FUT9: variants seen among roughly 807,000 people sequenced by gnomAD.
The protein encoded by FUT9 is fucosyltransferase 9.
A neutral mutation model predicts 29.7 loss-of-function variants in FUT9; 15 were observed. That is an observed-to-expected ratio of 0.51 (90% CI 0.34 to 0.78). The LOEUF is 0.78. Ranked by LOEUF, FUT9 falls within the 30% of genes least tolerant of loss-of-function variation. The pLI, the probability that FUT9 is intolerant of heterozygous loss-of-function variation, is 0.01. For synonymous variants in FUT9, 169 were observed against 153.7 expected (o/e 1.10, Z -0.74); for missense variants, 319 against 425.4 (o/e 0.75, Z 2.20).
intron 2 of FUT9, among the ~76,000 whole-genome samples, chr6:96,179,298 T>C (rs1773264358): frequency 6.6e-6 from 1 of 152,156 alleles, no homozygotes; most frequent in African/African-American, 2.4e-5. Flanking sequence ...GTACCAGAAA[T>C]TGTGCTAAGT....
chr6:96,045,359 C>T (rs1770544369), intron 1 of FUT9, among the ~76,000 whole-genome samples: 1 of 152,116 alleles, frequency 6.6e-6, no homozygotes, highest in South Asian at 2.1e-4. Context: ...CTGAAAGTGC[C>T]AGACAAAATT....
intron 2 of FUT9, among the ~76,000 whole-genome samples, chr6:96,157,140 A>T (rs1772801010): frequency 6.6e-6 from 1 of 152,174 alleles, no homozygotes; most frequent in African/African-American, 2.4e-5. Context: ...AAAAAGGCTA[A>T]CTAAGATGTG....
intron 1 of FUT9, among the ~76,000 whole-genome samples, chr6:96,072,151 T>C (rs1270461647): frequency 6.6e-6 from 1 of 152,002 alleles, no homozygotes; most frequent in East Asian, 1.9e-4. Flanking sequence ...AAACTAGGGG[T>C]TTAGAGATGT....
intron 1 of FUT9, among the ~76,000 whole-genome samples, chr6:96,093,349 G>A (rs1771442921): frequency 6.6e-6 from 1 of 151,982 alleles, no homozygotes; most frequent in African/African-American, 2.4e-5. Flanking sequence ...GCTTTCTCTT[G>A]ATAATTCCAC....
chr6:96,095,590 A>G (rs1771481906), intron 1 of FUT9, among the ~76,000 whole-genome samples: 1 of 152,124 alleles, frequency 6.6e-6, no homozygotes, highest in South Asian at 2.1e-4. Context: ...TTCTTTCAGG[A>G]TGCTGTCATT....
intron 2 of FUT9, among the ~76,000 whole-genome samples, chr6:96,197,288 T>C (rs1442966424): frequency 6.6e-6 from 1 of 152,168 alleles, no homozygotes; most frequent in Admixed American, 6.5e-5. Context: ...GTGATCAAAA[T>C]TGGTGTCATT....
intron 1 of FUT9, among the ~76,000 whole-genome samples, chr6:96,066,039 T>C (rs1189967443): frequency 1.3e-5 from 2 of 152,294 alleles, no homozygotes; most frequent in East Asian, 1.9e-4. Flanking sequence ...ATTTAGATGC[T>C]GTCATTTCAC....
chr6:96,121,889 G>T (rs1772035291), intron 2 of FUT9, among the ~76,000 whole-genome samples: 1 of 151,976 alleles, frequency 6.6e-6, no homozygotes, highest in African/African-American at 2.4e-5. Context: ...CCTAGTATAT[G>T]CCTCTTGATT....
intron 1 of FUT9, among the ~76,000 whole-genome samples, chr6:96,056,859 G>A (rs1332362888): frequency 2.0e-5 from 3 of 152,048 alleles, no homozygotes; most frequent in African/African-American, 4.8e-5. Flanking sequence ...ACTTAACGAT[G>A]GTCTGACTTG....
chr6:96,125,020 G>A (rs959847526), intron 2 of FUT9, among the ~76,000 whole-genome samples: 2 of 152,110 alleles, frequency 1.3e-5, no homozygotes, highest in Admixed American at 6.5e-5. Flanking sequence ...AGAATAACAA[G>A]AGACTCCTAT....
intron 2 of FUT9, among the ~76,000 whole-genome samples, chr6:96,159,882 T>C (rs1772865039): frequency 6.6e-6 from 1 of 152,198 alleles, no homozygotes; most frequent in African/African-American, 2.4e-5. Flanking sequence ...GTGACAAAGT[T>C]AACCATGTCA....
intron 1 of FUT9, among the ~76,000 whole-genome samples, chr6:96,030,827 A>C (rs1219148261): frequency 6.6e-6 from 1 of 151,552 alleles, no homozygotes; most frequent in Non-Finnish European, 1.5e-5. Flanking sequence ...CAGTGAAAAA[A>C]TACACTCAAA....
intron 1 of FUT9, among the ~76,000 whole-genome samples, chr6:96,075,875 C>T (rs554634819): frequency 2.6e-5 from 4 of 152,222 alleles, no homozygotes; most frequent in East Asian, 1.9e-4. Context: ...CTTTTCCCCT[C>T]GTACATGTTT....
chr6:96,128,258 T>A (rs557602093), intron 2 of FUT9, among the ~76,000 whole-genome samples: 7 of 152,260 alleles, frequency 4.6e-5, no homozygotes, highest in Non-Finnish European at 7.4e-5. Flanking sequence ...GACAAAGGCT[T>A]AATTTTGTAA....
intron 1 of FUT9, among the ~76,000 whole-genome samples, chr6:96,028,618 C>T (rs1026596310): frequency 6.6e-6 from 1 of 151,610 alleles, no homozygotes; most frequent in East Asian, 1.9e-4. Flanking sequence ...CTTCTCCATA[C>T]TTAAGAATTT....
chr6:96,137,932 G>A (rs909158183), intron 2 of FUT9, among the ~76,000 whole-genome samples: 3 of 151,936 alleles, frequency 2.0e-5, no homozygotes, highest in Non-Finnish European at 2.9e-5. Context: ...ACATATTAAG[G>A]TATGCCTGAA....
intron 1 of FUT9, among the ~76,000 whole-genome samples, chr6:96,103,695 T>C (rs1771628471): frequency 6.6e-6 from 1 of 152,228 alleles, no homozygotes; most frequent in Admixed American, 6.5e-5. Context: ...CAAAGCTCTC[T>C]CATATCACCA....
chr6:96,162,828 C>T (rs1383493612), intron 2 of FUT9, among the ~76,000 whole-genome samples: 1 of 152,092 alleles, frequency 6.6e-6, no homozygotes, highest in East Asian at 1.9e-4. Flanking sequence ...CCCTTTTGGC[C>T]TGCCATTAAT....
intron 2 of FUT9, among the ~76,000 whole-genome samples, chr6:96,160,128 C>T (rs1772869364): frequency 6.6e-6 from 1 of 152,122 alleles, no homozygotes; most frequent in South Asian, 2.1e-4. Context: ...TTTAAAAATA[C>T]TGCCATTCCC....
Sources: allele counts gnomAD v4.1 joint callset (sites outside exome capture counted in the v4.1 genomes callset), GRCh38; gene constraint gnomAD v4.1.1; transcripts MANE v1.5; gene names NCBI Gene and HGNC (gene_info 2026-07-23, HGNC 2026-07-21).